AP3B1: variants seen among roughly 807,000 people sequenced by gnomAD.
AP3B1 encodes adaptor related protein complex 3 subunit beta 1.
A neutral mutation model predicts 132.5 loss-of-function variants in AP3B1; 61 were observed. The ratio of observed to expected loss-of-function variants is 0.46; its 90% CI spans 0.37 to 0.57. The LOEUF is 0.57. AP3B1 is among the 20% of genes least tolerant of loss of function. AP3B1 has a pLI of 0.00. For synonymous variants in AP3B1, 388 were observed against 438.3 expected (o/e 0.89, Z 1.43); for missense variants, 1,120 against 1,289.4 (o/e 0.87, Z 2.01).
In AP3B1 at chr5:78,158,568, CTTATTA is replaced by C. The variant is rs1291795869; in HGVS notation, c.1364-2207_1364-2202del. Among the ~76,000 whole-genome samples the C allele has an allele frequency of 2.0e-5, 3 of 151,876 alleles. No homozygotes were observed. The East Asian group carries it at 5.8e-4, about 29-fold the overall frequency. On this transcript the variant is annotated intron_variant, in intron 13 of 26. Transcript: ENST00000255194. ...TCTCACAATAATGTAAAGTAGGTACCTTATTATTATTATTTTAAAGATGAAGAAAGG... is the reference window on the plus strand; with the variant it reads ...TCTCACAATAATGTAAAGTAGGTACCTTATTATTTTAAAGATGAAGAAAGG...
intron 7 of AP3B1, among the ~76,000 whole-genome samples, chr5:78,189,701 C>G (rs560269181): frequency 6.6e-6 from 1 of 151,908 alleles, no homozygotes; most frequent in South Asian, 2.1e-4. Context: ...GAAACCCCAT[C>G]TCTACTGAAA....
chr5:78,188,881 G>A (rs926412849), intron 7 of AP3B1, among the ~76,000 whole-genome samples: 5 of 152,140 alleles, frequency 3.3e-5, no homozygotes, highest in African/African-American at 9.7e-5. Context: ...TATACACCAT[G>A]GAATACTATG....
At chr5:78,269,905 T>C (rs113645378) in intron 1 of AP3B1, among the ~76,000 whole-genome samples, 1 of 152,134 alleles carries the variant, frequency 6.6e-6, no homozygotes. Flanking sequence ...AATTTTATTA[T>C]GTTTTTGTTT....
chr5:78,176,547 A>G (rs993408364), intron 9 of AP3B1, among the ~76,000 whole-genome samples: 9 of 152,196 alleles, frequency 5.9e-5, no homozygotes, highest in African/African-American at 1.9e-4. Context: ...CAAGCACTCA[A>G]TGAAAAACAT....
chr5:78,294,474 G>A lies in AP3B1; in HGVS notation c.106C>T (p.Leu36Phe). The A allele has an allele frequency of 6.2e-7, 1 of 1,614,240 alleles. No homozygotes were observed. The highest frequency in any genetic ancestry group is 1.7e-4 in the Middle Eastern group (1 of 6,060). ...CACTTCTTCAAATCGCTGCTAAAGA[G>A]GCCGAAGGCCCCCGAGGGGGAAATG... is the stretch of plus-strand genomic sequence containing the variant. ...STISPSGAFG[L>F]FSSDLKKNED... The change falls in exon 1 of 27, where the codon CTC becomes TTC. Residue 36 changes from leucine to phenylalanine, a missense_variant. Transcript: ENST00000255194.
At position 78,175,841 on chromosome 5, in the gene AP3B1, A is replaced by G. The variant is rs369730364; in HGVS notation, c.1041-3T>C. ...GTAGGACAATATACTGCACCTCCCT[A>G]GAAATCAAAAGATAATTTTTACTGG... On this transcript the variant is annotated splice_region_variant and splice_polypyrimidine_tract_variant and intron_variant, in intron 9 of 26. Coordinates refer to ENST00000255194, the MANE Select transcript of AP3B1 (RefSeq NM_003664.5). 3 of 1,605,890 alleles carry G rather than the reference A, an allele frequency of 1.9e-6. No individual in the cohort carries two copies. The highest frequency in any genetic ancestry group is 2.6e-6 in the Non-Finnish European group (3 of 1,174,314).
chr5:78,013,437 C>A (rs1376740176), intron 26 of AP3B1, among the ~76,000 whole-genome samples: 1 of 152,148 alleles, frequency 6.6e-6, no homozygotes, highest in Non-Finnish European at 1.5e-5. Flanking sequence ...ACAACCTATA[C>A]ACAAAACAAA....
chr5:78,201,107 C>A lies in AP3B1; in HGVS notation c.786+14948G>T, dbSNP rs144635606. ...TCAAGAGAAACCAAACCTGCCAACA[C>A]CTTGAGATCTTGCACTTCTAGATAT... On this transcript the variant is annotated intron_variant, in intron 7 of 26. Transcript: ENST00000255194. Among the ~76,000 whole-genome samples the A allele has an allele frequency of 6.6e-4, 101 of 152,238 alleles. 1 individual carries two copies. Among genetic ancestry groups the A allele is most frequent in the Middle Eastern group, 3.4e-3 (1 of 294 alleles).
intron 18 of AP3B1, among the ~76,000 whole-genome samples, chr5:78,114,467 TA>T (rs1692314130): frequency 6.6e-6 from 1 of 152,162 alleles, no homozygotes; most frequent in Admixed American, 6.5e-5. Flanking sequence ...TTCGAGCTAG[TA>T]AACGAGTTTT....
At chr5:78,157,142 G>C (rs1743182866) in intron 13 of AP3B1, among the ~76,000 whole-genome samples, 1 of 152,074 alleles carries the variant, frequency 6.6e-6, no homozygotes, top group Admixed American at 6.5e-5. Flanking sequence ...TCCTCTCCCT[G>C]GTATTACATG....
chr5:78,181,577 T>C lies in AP3B1; in HGVS notation c.872A>G (p.Tyr291Cys), dbSNP rs776100459. Residue 291 changes from tyrosine (Y) to cysteine (C), a missense_variant, in exon 8 of 27, where the codon TAT becomes TGT. Physicochemically the swap from Tyr to Cys is radical, Grantham distance 194. This residue lies in a region of AP3B1 where 906 missense variants were observed against 997.1 expected (regional missense o/e 0.91). Coordinates refer to ENST00000255194, the MANE Select transcript of AP3B1 (RefSeq NM_003664.5). The stretch of plus-strand genomic sequence containing the variant: ...GAGTCTATGATCTGGATCCATAGTA[T>C]ACGGCTTCTTCTTTTTGTCAGTCTT... ...KEKTDKKKKP[Y>C]TMDPDHRLLI... The C allele has an allele frequency of 6.2e-7, 1 of 1,612,854 alleles. No individual in the cohort carries two copies.
In AP3B1 at chr5:78,068,532, G is replaced by A. The variant is rs145164409; in HGVS notation, c.2577+20861C>T. Among the ~76,000 whole-genome samples the A allele has an allele frequency of 1.6e-4, 24 of 151,620 alleles. No individual in the cohort carries two copies. In the East Asian group the frequency reaches 4.3e-3, roughly 27 times the overall value. On this transcript the variant is annotated intron_variant, in intron 22 of 26. Coordinates refer to ENST00000255194, the MANE Select transcript of AP3B1 (RefSeq NM_003664.5). ...TAAACTAGAAAATCTAGAAGAAATG[G>A]GTAAATACCAAGACTGAACCAGGAA...
intron 7 of AP3B1, among the ~76,000 whole-genome samples, chr5:78,213,686 T>C (rs1745845199): frequency 6.6e-6 from 1 of 152,176 alleles, no homozygotes; most frequent in Admixed American, 6.5e-5. Context: ...AAAGTAAAAT[T>C]TATAACCACC....
chr5:78,038,142 T>G (rs1195041216), intron 23 of AP3B1, among the ~76,000 whole-genome samples: 1 of 152,106 alleles, frequency 6.6e-6, no homozygotes, highest in Non-Finnish European at 1.5e-5. Context: ...TTGCTGCATG[T>G]GGGGATAAAG....
intron 11 of AP3B1, among the ~76,000 whole-genome samples, chr5:78,172,889 T>G (rs532631561): frequency 1.3e-5 from 2 of 152,376 alleles, no homozygotes; most frequent in Non-Finnish European, 2.9e-5. Flanking sequence ...CTTTCTCTTG[T>G]GAGCATTTAG....
intron 24 of AP3B1, among the ~76,000 whole-genome samples, chr5:78,025,452 T>C (rs1747304486): frequency 1.3e-5 from 2 of 152,132 alleles, no homozygotes; most frequent in South Asian, 4.1e-4. Flanking sequence ...CTGAAACATA[T>C]TTTTCGGCCT....
In AP3B1 at chr5:78,102,973, A is replaced by G. The variant is rs149338356; in HGVS notation, c.2398-1948T>C. ...AGAACAGAGAGAAAAAAGGCTTTCA[A>G]AAGGACAGAATTTCATTGACTTTCT... On this transcript the variant is annotated intron_variant, in intron 20 of 26. Transcript: ENST00000255194. Among the ~76,000 whole-genome samples, 734 of 152,296 alleles carry G rather than the reference A, an allele frequency of 4.8e-3. 12 individuals carry two copies. Among genetic ancestry groups the G allele is most frequent in the Non-Finnish European group, 3.9e-3 (263 of 67,986 alleles).
intron 20 of AP3B1, 189 bp from the exon 21 acceptor site, chr5:78,101,214 C>A: frequency 1.9e-6 from 1 of 524,438 alleles, no homozygotes; most frequent in Non-Finnish European, 3.4e-6. Flanking sequence ...TATTTCTTAC[C>A]CACTATGCAA....
At chr5:78,145,711 A>G (rs561213546) in intron 14 of AP3B1, among the ~76,000 whole-genome samples, 4 of 151,996 alleles carry the variant, frequency 2.6e-5, no homozygotes, top group Non-Finnish European at 5.9e-5. Flanking sequence ...GCCTCCTGCC[A>G]TTTCCCCAAG....
Sources: gnomAD v4.1 joint callset for allele counts (sites outside exome capture counted in the v4.1 genomes callset) on GRCh38, gnomAD v4.1.1 for gene constraint, gnomAD v4.1.1 regional missense constraint, MANE v1.5 for transcripts, NCBI Gene and HGNC (gene_info 2026-07-23, HGNC 2026-07-21) for gene names.